The following CCSER1 variants were observed in gnomAD, a reference collection of about 807,000 sequenced individuals.
CCSER1 encodes the protein coiled-coil serine rich protein 1.
CCSER1 carries 41 observed loss-of-function variants against 82.0 expected under a neutral mutation model. The observed-to-expected ratio is 0.50, with a 90% CI of 0.39 to 0.65. The LOEUF (loss-of-function observed/expected upper bound fraction) is 0.65. Ranked by LOEUF, CCSER1 falls within the 30% of genes least tolerant of loss-of-function variation. CCSER1 has a pLI of 0.00. For missense variants in CCSER1, 1,119 were observed against 1,064.2 expected (o/e 1.05, Z -0.72); for synonymous variants, 414 against 383.9 (o/e 1.08, Z -0.92).
intron 10 of CCSER1, among the ~76,000 whole-genome samples, chr4:91,340,620 G>A (rs1747659969): frequency 6.6e-6 from 1 of 152,212 alleles, no homozygotes; most frequent in Non-Finnish European, 1.5e-5. Context: ...ATGTGGTGAA[G>A]TTATACATGC....
At chr4:91,029,988 C>T (rs1740829280) in intron 9 of CCSER1, among the ~76,000 whole-genome samples, 1 of 142,324 alleles carries the variant, frequency 7.0e-6, no homozygotes, top group South Asian at 2.3e-4. Flanking sequence ...TATTTTTGAA[C>T]TTGATATTTC....
chr4:90,779,392 C>T (rs1334130840), intron 7 of CCSER1, among the ~76,000 whole-genome samples: 1 of 151,978 alleles, frequency 6.6e-6, no homozygotes, highest in Non-Finnish European at 1.5e-5. Context: ...AATTATCTTA[C>T]ATAACGCTCA....
chr4:90,811,525 G>C (rs940551768), intron 7 of CCSER1, among the ~76,000 whole-genome samples: 2 of 152,144 alleles, frequency 1.3e-5, no homozygotes, highest in South Asian at 4.1e-4. Context: ...CAGAAATTTG[G>C]GTAAGAAGCA....
intron 10 of CCSER1, among the ~76,000 whole-genome samples, chr4:91,519,395 T>G (rs1433090580): frequency 1.3e-5 from 2 of 152,156 alleles, no homozygotes; most frequent in African/African-American, 4.8e-5. Context: ...CCAGTGAGGG[T>G]TGGCTGGTGT....
intron 4 of CCSER1, among the ~76,000 whole-genome samples, chr4:90,464,543 T>C (rs1360747676): frequency 6.6e-6 from 1 of 152,226 alleles, no homozygotes; most frequent in African/African-American, 2.4e-5. Context: ...GTATCCTTGC[T>C]CTGACACTCT....
chr4:91,100,328 G>A (rs1057451128), intron 10 of CCSER1, among the ~76,000 whole-genome samples: 3 of 152,236 alleles, frequency 2.0e-5, no homozygotes, highest in Non-Finnish European at 4.4e-5. Flanking sequence ...TCTTTGAGTA[G>A]TGTCTGGCAC....
intron 1 of CCSER1, among the ~76,000 whole-genome samples, chr4:90,169,876 AC>A (rs1731297972): frequency 6.6e-6 from 1 of 151,616 alleles, no homozygotes; most frequent in South Asian, 2.1e-4. Flanking sequence ...CTAGGCATAA[AC>A]CTTTTCATGC....
At chr4:91,418,313 A>AAAC (rs1348492386) in intron 10 of CCSER1, among the ~76,000 whole-genome samples, 2 of 150,880 alleles carry the variant, frequency 1.3e-5, no homozygotes. Context: ...TAAAAAAAAA[A>AAAC]AAAACAAAAT....
chr4:91,581,071 G>T lies in CCSER1; in HGVS notation c.2218-17501G>T, dbSNP rs143438331. Among the ~76,000 whole-genome samples the T allele has an allele frequency of 2.2e-3, 336 of 151,548 alleles. 2 individuals carry two copies. Among genetic ancestry groups the T allele is most frequent in the African/African-American group, 7.8e-3 (323 of 41,428 alleles). On this transcript the variant is annotated intron_variant, in intron 10 of 10. Coordinates refer to ENST00000509176, the MANE Select transcript of CCSER1 (RefSeq NM_001145065.2). ...TAGAGGCAGACCTTCCACAGATAAG[G>T]ACTTCACCAACAGACCTCCTGGACA...
intron 10 of CCSER1, among the ~76,000 whole-genome samples, chr4:91,403,785 G>A (rs1484525329): frequency 1.3e-5 from 2 of 152,248 alleles, no homozygotes; most frequent in Admixed American, 6.5e-5. Context: ...TGGGCTGCTG[G>A]ATTCAGTTTG....
At chr4:91,475,365 G>T (rs957041606) in intron 10 of CCSER1, among the ~76,000 whole-genome samples, 1 of 151,916 alleles carries the variant, frequency 6.6e-6, no homozygotes, top group African/African-American at 2.4e-5. Flanking sequence ...TTTCAGAGCA[G>T]ATATGAGGTT....
chr4:90,271,826 TTATATATATA>T lies in CCSER1; in HGVS notation c.-41-36390_-41-36381del, dbSNP rs1189309598. 7.0e-4 allele frequency among the ~76,000 whole-genome samples: 30 copies of T among 42,874 alleles called. 1 individual carries two copies. The highest frequency in any genetic ancestry group is 2.1e-3 in the East Asian group (4 of 1,896). The allele number at this position is 42,874 out of a possible 152,430, so 28.1% of individuals were successfully genotyped here. The stretch of plus-strand genomic sequence containing the variant: ...AAGATACTACCTGAGACTGGACAAT[TTATATATATA>T]TATATATATATATATATATATATAT... On this transcript the variant is annotated intron_variant, in intron 1 of 10. Coordinates refer to ENST00000509176, the MANE Select transcript of CCSER1 (RefSeq NM_001145065.2).
intron 7 of CCSER1, among the ~76,000 whole-genome samples, chr4:90,734,876 A>G (rs1745397112): frequency 6.6e-6 from 1 of 152,160 alleles, no homozygotes; most frequent in Non-Finnish European, 1.5e-5. Flanking sequence ...ACAGTGGTGA[A>G]AGGGCATCCT....
At chr4:90,940,445 C>T (rs1398911973) in intron 9 of CCSER1, among the ~76,000 whole-genome samples, 1 of 151,934 alleles carries the variant, frequency 6.6e-6, no homozygotes, top group Non-Finnish European at 1.5e-5. Flanking sequence ...GACTTTCTCA[C>T]AGTGTTCATT....
chr4:91,263,945 C>G (rs888741542), intron 10 of CCSER1, among the ~76,000 whole-genome samples: 9 of 151,792 alleles, frequency 5.9e-5, no homozygotes, highest in Non-Finnish European at 1.3e-4. Context: ...CTTGAAGTTT[C>G]TTCCAAAACT....
intron 7 of CCSER1, among the ~76,000 whole-genome samples, chr4:90,793,704 C>CCCAG (rs1385373809): frequency 4.6e-5 from 7 of 152,294 alleles, no homozygotes; most frequent in South Asian, 2.1e-4. Flanking sequence ...ATTGCTGTGA[C>CCCAG]AAATGGTATT....
chr4:91,445,328 G>T (rs2149412026), intron 10 of CCSER1, among the ~76,000 whole-genome samples: 1 of 150,782 alleles, frequency 6.6e-6, no homozygotes, highest in African/African-American at 2.4e-5. Flanking sequence ...TTTTGCAACA[G>T]TTTTTGTATT....
Position 90,337,159 on chromosome 4 carries a change from T to C in CCSER1, c.1509+24112T>C, listed in dbSNP as rs145026126. Among the ~76,000 whole-genome samples the C allele has an allele frequency of 1.2e-3, 183 of 152,320 alleles. 2 individuals are homozygous for C. The highest frequency in any genetic ancestry group is 6.8e-3 in the Middle Eastern group (2 of 294). On this transcript the variant is annotated intron_variant, in intron 3 of 10. Coordinates refer to ENST00000509176, the MANE Select transcript of CCSER1 (RefSeq NM_001145065.2). ...AGGTGGTTGAATGAAGAAAGCAGAATTGCACAGAAGGATAAGTTGAAATGT... is the reference window on the plus strand; with the variant it reads ...AGGTGGTTGAATGAAGAAAGCAGAACTGCACAGAAGGATAAGTTGAAATGT...
At chr4:91,198,458 TG>T (rs1735631883) in intron 10 of CCSER1, among the ~76,000 whole-genome samples, 1 of 152,158 alleles carries the variant, frequency 6.6e-6, no homozygotes, top group Admixed American at 6.5e-5. Context: ...TTTATTCAAA[TG>T]GAAAGTTGCA....
Sources: gnomAD v4.1 joint callset for allele counts (sites outside exome capture counted in the v4.1 genomes callset) on GRCh38, gnomAD v4.1.1 for gene constraint, MANE v1.5 for transcripts, NCBI Gene and HGNC (gene_info 2026-07-23, HGNC 2026-07-21) for gene names.